Variants in GPC3 observed in about 807,000 individuals in gnomAD.
GPC3 encodes glypican 3, also known as glypican-3.
In GPC3, 3 loss-of-function variants were observed where a neutral mutation model predicts 34.4. The ratio of observed to expected loss-of-function variants is 0.09; its 90% CI spans 0.04 to 0.23. GPC3 has a LOEUF of 0.23. GPC3 is among the 10% of genes least tolerant of loss of function. The pLI, the probability that GPC3 is intolerant of heterozygous loss-of-function variation, is 1.00. For missense variants in GPC3, 351 were observed against 445.6 expected (o/e 0.79, Z 1.91); for synonymous variants, 177 against 174.0 (o/e 1.02, Z -0.13).
chrX:133,765,487 T>G (rs1004222554), intron 2 of GPC3, among the ~76,000 whole-genome samples: 4 of 112,080 alleles, frequency 3.6e-5, no homozygotes, highest in Non-Finnish European at 5.6e-5. Flanking sequence ...TGCCTTTATC[T>G]AATAAAAAAC....
chrX:133,850,218 A>C (rs1212442540), intron 2 of GPC3, among the ~76,000 whole-genome samples: 5 of 71,682 alleles, frequency 7.0e-5, no homozygotes, highest in Non-Finnish European at 1.1e-4. Context: ...TTTTTTGGTA[A>C]ATAAAGCTAG....
intron 2 of GPC3, among the ~76,000 whole-genome samples, chrX:133,823,637 A>G (rs2075731586): frequency 9.0e-6 from 1 of 111,486 alleles, no homozygotes; most frequent in African/African-American, 3.3e-5. Context: ...GGGGGATGGA[A>G]AGGGGACTTA....
intron 2 of GPC3, among the ~76,000 whole-genome samples, chrX:133,936,137 C>G (rs2076322418): frequency 9.4e-6 from 1 of 106,495 alleles, no homozygotes; most frequent in Non-Finnish European, 1.9e-5. Flanking sequence ...ATTGCCCAGG[C>G]TGTTCTCGAA....
At chrX:133,564,370 G>A in intron 7 of GPC3, among the ~76,000 whole-genome samples, 1 of 111,391 alleles carries the variant, frequency 9.0e-6, no homozygotes, top group East Asian at 2.8e-4. Flanking sequence ...CTCCCAACAT[G>A]TTCCTTTCCC....
At position 133,597,163 on chromosome X, in the gene GPC3, A is replaced by G. The variant is rs182828661; in HGVS notation, c.1414-564T>C. 1.8e-3 allele frequency among the ~76,000 whole-genome samples: 199 copies of G among 112,031 alleles called. 1 individual carries two copies. Among genetic ancestry groups the G allele is most frequent in the African/African-American group, 6.2e-3 (190 of 30,855 alleles). On this transcript the variant is annotated intron_variant, in intron 6 of 7. Coordinates refer to ENST00000370818, the MANE Select transcript of GPC3 (RefSeq NM_004484.4). ...ATTATTCTCCTCTCCCGCAATTCCA[A>G]TAAGATGCTTTTAAATTTATTTTGC...
chrX:133,562,157 C>T (rs1254499758), intron 7 of GPC3, among the ~76,000 whole-genome samples: 4 of 111,616 alleles, frequency 3.6e-5, no homozygotes, highest in South Asian at 7.5e-4. Context: ...TTTTAAAAAG[C>T]GAAAATAGTG....
chrX:133,666,261 A>G (rs1473942488), intron 5 of GPC3, among the ~76,000 whole-genome samples: 1 of 111,994 alleles, frequency 8.9e-6, no homozygotes, highest in African/African-American at 3.2e-5. Flanking sequence ...CTGATCCCAC[A>G]GTGACTCCAT....
Position 133,864,765 on chromosome X carries a change from AAGG to A in GPC3, c.337+88282_337+88284del, listed in dbSNP as rs1214086428. 2.1e-4 allele frequency among the ~76,000 whole-genome samples: 24 copies of A among 113,132 alleles called. No homozygotes were observed. The Admixed American group carries it at 2.2e-3, about 11-fold the overall frequency. ...GTTGAAAACATTTCATTCATGATGC[AAGG>A]AGGTTTCTTATTCAAATATGAGTGT... On this transcript the variant is annotated intron_variant, in intron 2 of 7. Transcript: ENST00000370818.
chrX:133,679,066 G>A (rs750793825), intron 5 of GPC3, among the ~76,000 whole-genome samples: 59 of 112,054 alleles, frequency 5.3e-4, no homozygotes, highest in Non-Finnish European at 7.9e-4. Context: ...TTTCCTTATC[G>A]AGGGCCAACT....
chrX:133,763,245 A>T, intron 2 of GPC3: 1 of 562,521 alleles, frequency 1.8e-6, no homozygotes. Context: ...TGTGTCACAC[A>T]GATTCTCCTC....
chrX:133,599,320 T>G (rs2124334222), intron 6 of GPC3, among the ~76,000 whole-genome samples: 1 of 112,234 alleles, frequency 8.9e-6, no homozygotes, highest in South Asian at 3.8e-4. Flanking sequence ...AATGATATCC[T>G]TAAGTAAAAC....
At chrX:133,871,893 G>C (rs780161908) in intron 2 of GPC3, among the ~76,000 whole-genome samples, 1 of 112,118 alleles carries the variant, frequency 8.9e-6, no homozygotes, top group African/African-American at 3.2e-5. Context: ...CTGGCTTCCA[G>C]CTTGCTTAAT....
chrX:133,976,632 C>T (rs947405750), intron 1 of GPC3, among the ~76,000 whole-genome samples: 4 of 47 alleles, frequency 0.085, no homozygotes, highest in African/African-American at 0.17. Flanking sequence ...AGGGGCAACT[C>T]GCCAGGGAGC....
At chrX:133,617,227 A>G (rs775223552) in intron 6 of GPC3, among the ~76,000 whole-genome samples, 8 of 111,924 alleles carry the variant, frequency 7.1e-5, no homozygotes, top group Non-Finnish European at 1.5e-4. Context: ...GGTCATTTTC[A>G]TTGAAGCCTA....
In GPC3 at chrX:133,663,605, G is replaced by A. The variant is rs966149507; in HGVS notation, c.1293-1755C>T. ...ATGATTTTCACTTCCACAGGTGGGGGTCCTCTGAGATAGTTTGTGTGTTAT... is the reference window on the plus strand; with the variant it reads ...ATGATTTTCACTTCCACAGGTGGGGATCCTCTGAGATAGTTTGTGTGTTAT... On this transcript the variant is annotated intron_variant, in intron 5 of 7. Coordinates refer to ENST00000370818, the MANE Select transcript of GPC3 (RefSeq NM_004484.4). 6.3e-5 allele frequency among the ~76,000 whole-genome samples: 7 copies of A among 111,558 alleles called. 1 individual carries two copies. The highest frequency in any genetic ancestry group is 9.5e-5 in the Admixed American group (1 of 10,566).
At chrX:133,797,135 G>T (rs2124516291) in intron 2 of GPC3, among the ~76,000 whole-genome samples, 1 of 110,311 alleles carries the variant, frequency 9.1e-6, no homozygotes, top group African/African-American at 3.3e-5. Context: ...GGACTGCCTT[G>T]CTGCTGCTGT....
At chrX:133,791,870 TTTC>T (rs2072167563) in intron 2 of GPC3, among the ~76,000 whole-genome samples, 1 of 101,178 alleles carries the variant, frequency 9.9e-6, no homozygotes, top group Non-Finnish European at 2.0e-5. Context: ...CCTCTCTCTC[TTTC>T]TTTTCTTTCT....
chrX:133,780,080 G>A (rs1469226876), intron 2 of GPC3, among the ~76,000 whole-genome samples: 2 of 111,833 alleles, frequency 1.8e-5, no homozygotes, highest in Non-Finnish European at 3.8e-5. Flanking sequence ...AGGCTGGGGC[G>A]AGGCTGGGAA....
intron 2 of GPC3, among the ~76,000 whole-genome samples, chrX:133,914,944 A>AATAAATATAT (rs2076217001): frequency 2.0e-5 from 1 of 49,934 alleles, no homozygotes; most frequent in Non-Finnish European, 3.4e-5. Context: ...TCAAACTGGA[A>AATAAATATAT]ATATATATAT....
Sources: gnomAD v4.1 joint callset for allele counts (sites outside exome capture counted in the v4.1 genomes callset) on GRCh38, gnomAD v4.1.1 for gene constraint, MANE v1.5 for transcripts, NCBI Gene and HGNC (gene_info 2026-07-23, HGNC 2026-07-21) for gene names.